The following FRY variants were observed in gnomAD, a reference collection of about 807,000 sequenced individuals.
The protein encoded by FRY is FRY microtubule binding protein.
A neutral mutation model predicts 348.4 loss-of-function variants in FRY; 128 were observed. The observed-to-expected ratio is 0.37, with a 90% CI of 0.32 to 0.43. The LOEUF (loss-of-function observed/expected upper bound fraction) is 0.43, where lower values mean the gene tolerates loss of function less well. Ranked by LOEUF, FRY falls within the 20% of genes least tolerant of loss-of-function variation. FRY has a pLI of 1.00. For missense variants in FRY, 2,736 were observed against 3,695.2 expected, an observed-to-expected ratio of 0.74 and a Z score of 6.73; for synonymous variants, 1,370 against 1,374.7, an observed-to-expected ratio of 1.00 and a Z score of 0.08.
intron 2 of FRY, among the ~76,000 whole-genome samples, chr13:32,094,723 G>A (rs1008052292): frequency 2.0e-5 from 3 of 152,078 alleles, no homozygotes. Flanking sequence ...GTACTTCATC[G>A]TGTATATGTG....
chr13:32,051,775 T>C (rs987959051), intron 1 of FRY, among the ~76,000 whole-genome samples: 2 of 152,126 alleles, frequency 1.3e-5, no homozygotes, highest in African/African-American at 2.4e-5. Context: ...ATTTGCGAAG[T>C]ATGAGGTGCT....
intron 58 of FRY, among the ~76,000 whole-genome samples, chr13:32,279,370 C>G (rs1195502554): frequency 1.3e-5 from 2 of 152,186 alleles, no homozygotes; most frequent in African/African-American, 2.4e-5. Context: ...CCAGGCCTTT[C>G]CAAGAACCAA....
chr13:32,172,379 A>G (rs1402604288), intron 18 of FRY, among the ~76,000 whole-genome samples: 1 of 152,198 alleles, frequency 6.6e-6, no homozygotes, highest in Non-Finnish European at 1.5e-5. Flanking sequence ...GGATGTGGAT[A>G]TAGGTATATA....
chr13:32,063,877 T>C (rs919739217), intron 1 of FRY, among the ~76,000 whole-genome samples: 8 of 152,232 alleles, frequency 5.3e-5, no homozygotes, highest in Non-Finnish European at 1.0e-4. Flanking sequence ...GTAGTTCTGA[T>C]GCGAGTCTTG....
chr13:32,067,587 T>A (rs1874343122), intron 1 of FRY, among the ~76,000 whole-genome samples: 1 of 152,226 alleles, frequency 6.6e-6, no homozygotes, highest in Admixed American at 6.5e-5. Context: ...TGTTAATTGT[T>A]AAGTGTTTGA....
chr13:32,140,210 C>T (rs901645912), intron 11 of FRY, among the ~76,000 whole-genome samples: 3 of 152,096 alleles, frequency 2.0e-5, no homozygotes, highest in Admixed American at 1.3e-4. Flanking sequence ...TAGAGGCTTC[C>T]TATACATTGT....
At chr13:32,238,677 C>T (rs2138460405) in intron 44 of FRY, among the ~76,000 whole-genome samples, 1 of 152,256 alleles carries the variant, frequency 6.6e-6, no homozygotes. Context: ...GTCTCGATAT[C>T]TTGACCTTGT....
chr13:32,135,756 G>A (rs181985559), intron 10 of FRY, among the ~76,000 whole-genome samples: 23 of 152,286 alleles, frequency 1.5e-4, no homozygotes, highest in Admixed American at 1.2e-3. Flanking sequence ...ATGAATCGGC[G>A]AGTGATGTAA....
At position 32,201,979 on chromosome 13, in the gene FRY, T is replaced by G; in HGVS notation, c.3785T>G (p.Val1262Gly). Residue 1262 changes from valine to glycine, a missense_variant, in exon 30 of 61, where the codon GTT (valine) becomes GGT (glycine). Coordinates refer to ENST00000542859, the MANE Select transcript of FRY (RefSeq NM_023037.3). Reference protein sequence around the residue: ...PFDIVTLLNLVLFKASDTNRE... With the variant: ...PFDIVTLLNLGLFKASDTNRE... ...GACATAGTGACATTGTTAAACCTTG[T>G]TCTATTCAAGGCCTCTGACACCAAC... is the stretch of plus-strand genomic sequence containing the variant. 2 of 1,606,424 alleles carry G rather than the reference T, an allele frequency of 1.2e-6. No homozygotes were observed. The highest frequency in any genetic ancestry group is 1.7e-6 in the Non-Finnish European group (2 of 1,173,052).
chr13:32,031,928 C>T, intron 1 of FRY, 63 bp downstream of exon 1: 1 of 925,244 alleles, frequency 1.1e-6, no homozygotes, highest in African/African-American at 1.6e-5. Context: ...AGGCTGGAGA[C>T]AGAAAATCTC....
At chr13:32,057,502 A>C (rs146870405) in intron 1 of FRY, among the ~76,000 whole-genome samples, 1 of 152,170 alleles carries the variant, frequency 6.6e-6, no homozygotes, top group African/African-American at 2.4e-5. Flanking sequence ...GAGTAGTTGT[A>C]TGATCTAACC....
chr13:32,184,803 T>A (rs1882929304), intron 25 of FRY, 112 bp downstream of exon 25: 1 of 988,560 alleles, frequency 1.0e-6, no homozygotes, highest in Non-Finnish European at 1.6e-6. Flanking sequence ...TACCCTTAAC[T>A]TAGAAAAATC....
At chr13:32,177,222 C>G (rs1882417515) in intron 20 of FRY, among the ~76,000 whole-genome samples, 2 of 152,138 alleles carry the variant, frequency 1.3e-5, no homozygotes, top group Admixed American at 1.3e-4. Context: ...TAAGAACTTA[C>G]TAATATAGAT....
At chr13:32,268,668 AT>A (rs947922202) in intron 55 of FRY, among the ~76,000 whole-genome samples, 34 of 147,594 alleles carry the variant, frequency 2.3e-4, no homozygotes, top group African/African-American at 8.5e-4. Context: ...CTTTTTTTCA[AT>A]TTCCTATTTT....
rs1593805848 is a variant in FRY at position 32,254,185 on chromosome 13, G to A, written c.7246-39G>A. 5.0e-6 allele frequency: 8 copies of A among 1,608,528 alleles called. No individual in the cohort carries two copies. The East Asian group carries it at 1.8e-4, about 36-fold the overall frequency. ...ATTTTTCGTAGCACAAACAACCAAA[G>A]GGAGAACGGTTTCTCAGGAGAGGAC... On this transcript the variant is annotated intron_variant, in intron 50 of 60. Coordinates refer to ENST00000542859, the MANE Select transcript of FRY (RefSeq NM_023037.3).
intron 51 of FRY, among the ~76,000 whole-genome samples, chr13:32,256,450 G>A (rs556633273): frequency 4.0e-5 from 6 of 151,842 alleles, no homozygotes; most frequent in South Asian, 2.1e-4. Context: ...TGGGAATATC[G>A]CTTAAGCCCA....
At position 32,157,357 on chromosome 13, in the gene FRY, T is replaced by C; in HGVS notation, c.1736T>C (p.Met579Thr). 6.2e-7 allele frequency: 1 copy of C among 1,613,342 alleles called. No individual in the cohort carries two copies. ...HLDKEVGRCM[M>T]LTNVQMLNKE... Reference sequence around the variant, plus strand: ...GATAAAGAAGTAGGAAGGTGTATGATGCTGACTAATGTACAGATGTTAAAC... The same window carrying C: ...GATAAAGAAGTAGGAAGGTGTATGACGCTGACTAATGTACAGATGTTAAAC... Residue 579 changes from methionine (M) to threonine (T), a missense_variant, in exon 16 of 61, where the codon ATG becomes ACG. By Grantham distance (81) the Met-to-Thr change is moderately conservative. Transcript: ENST00000542859.
At chr13:32,230,085 G>A (rs1885823237) in intron 40 of FRY, among the ~76,000 whole-genome samples, 1 of 152,134 alleles carries the variant, frequency 6.6e-6, no homozygotes, top group Non-Finnish European at 1.5e-5. Flanking sequence ...TTAAGTTCAA[G>A]GGTGCATGTG....
In FRY at chr13:32,107,672, A is replaced by G. The variant is rs1304165023; in HGVS notation, c.324+5656A>G. Among the ~76,000 whole-genome samples the G allele has an allele frequency of 3.3e-5, 5 of 152,178 alleles. No individual in the cohort carries two copies. In the South Asian group the frequency reaches 6.2e-4, roughly 19 times the overall value. ...CCACTGGAGTCTCGTTGGAGAGAAA[A>G]ATAGAACTACAATCAGATAAATGAT... On this transcript the variant is annotated intron_variant, in intron 3 of 60. Coordinates refer to ENST00000542859, the MANE Select transcript of FRY (RefSeq NM_023037.3).
Sources: gnomAD v4.1 joint callset for allele counts (sites outside exome capture counted in the v4.1 genomes callset) on GRCh38, gnomAD v4.1.1 for gene constraint, MANE v1.5 for transcripts, NCBI Gene and HGNC (gene_info 2026-07-23, HGNC 2026-07-21) for gene names.